Variants in TSEN2 observed in about 807,000 individuals in gnomAD.
The protein encoded by TSEN2 is tRNA splicing endonuclease subunit 2, also known as tRNA-splicing endonuclease subunit Sen2.
TSEN2 carries 54 observed loss-of-function variants against 59.2 expected under a neutral mutation model. The observed-to-expected ratio is 0.91, with a 90% confidence interval of 0.73 to 1.14. TSEN2 has a LOEUF of 1.14. Among genes scored for constraint, TSEN2 ranks in the 50% most tolerant of loss-of-function variants. TSEN2 has a pLI of 0.00. For missense variants in TSEN2, 636 were observed against 576.2 expected, an observed-to-expected ratio of 1.10 and a Z score of -1.06; for synonymous variants, 195 against 198.2, an observed-to-expected ratio of 0.98 and a Z score of 0.14.
intron 1 of TSEN2, among the ~76,000 whole-genome samples, chr3:12,488,760 C>T (rs1393131135): frequency 2.6e-5 from 4 of 152,186 alleles, no homozygotes; most frequent in Non-Finnish European, 5.9e-5. Context: ...AACCCTTCAC[C>T]GTCTGATTTT....
intron 2 of TSEN2, among the ~76,000 whole-genome samples, chr3:12,491,602 G>T (rs1342513081): frequency 1.3e-5 from 2 of 152,178 alleles, no homozygotes; most frequent in Non-Finnish European, 2.9e-5. Context: ...TGGGATAAAT[G>T]AGGTGTGCTA....
At chr3:12,517,237 A>T (rs1387147274) in intron 7 of TSEN2, among the ~76,000 whole-genome samples, 3 of 152,038 alleles carry the variant, frequency 2.0e-5, no homozygotes, top group African/African-American at 4.8e-5. Context: ...ATGCGCCTGT[A>T]GTTCCAGCTA....
chr3:12,519,274 T>G (rs192708818), intron 8 of TSEN2, 77 bp downstream of exon 8: 23 of 1,570,960 alleles, frequency 1.5e-5, no homozygotes, highest in Middle Eastern at 1.7e-4. Flanking sequence ...ATTGATCTTG[T>G]GTGCTGTTGA....
Position 12,503,406 on chromosome 3 carries a change from C to T in TSEN2, c.453C>T (p.Asp151=), listed in dbSNP as rs1374378856. The T allele has an allele frequency of 4.3e-6, 7 of 1,614,080 alleles. No homozygotes were observed. Among genetic ancestry groups the T allele is most frequent in the Non-Finnish European group, 5.9e-6 (7 of 1,180,042 alleles). The stretch of plus-strand genomic sequence containing the variant: ...GGAATGAAGAGGCTCAAGTGCATGA[C>T]AAGCTTAACTCTGGAATGGTTTCCA... The part of the protein sequence containing the change: ...VKRNEEAQVH[D]KLNSGMVSNM... The change falls in exon 5 of 12, where the codon GAC becomes GAT. Residue 151 remains aspartate, a synonymous_variant. Coordinates refer to ENST00000284995, the MANE Select transcript of TSEN2 (RefSeq NM_025265.4).
At chr3:12,493,634 G>A (rs2053453880) in intron 3 of TSEN2, among the ~76,000 whole-genome samples, 1 of 152,212 alleles carries the variant, frequency 6.6e-6, no homozygotes, top group Admixed American at 6.5e-5. Context: ...GGCTGAGGCA[G>A]GAGAATCACT....
chr3:12,500,554 C>T (rs769139437), intron 4 of TSEN2, among the ~76,000 whole-genome samples: 3 of 152,206 alleles, frequency 2.0e-5, no homozygotes, highest in Admixed American at 6.5e-5. Context: ...TGCCTCTGCT[C>T]TCAACAGCAA....
downstream of TSEN2, among the ~76,000 whole-genome samples, chr3:12,535,987 A>G (rs2057665939): frequency 6.6e-6 from 1 of 152,210 alleles, no homozygotes; most frequent in Admixed American, 6.5e-5. Context: ...TGCAGACTGA[A>G]TGAAATGAGA....
chr3:12,520,720 G>T (rs896406882), intron 8 of TSEN2, among the ~76,000 whole-genome samples: 5 of 151,880 alleles, frequency 3.3e-5, no homozygotes, highest in African/African-American at 1.2e-4. Flanking sequence ...ATCCCGGGAG[G>T]CAGAGGTTGT....
At chr3:12,491,697 T>C (rs1356369589) in intron 2 of TSEN2, among the ~76,000 whole-genome samples, 1 of 152,060 alleles carries the variant, frequency 6.6e-6, no homozygotes, top group Non-Finnish European at 1.5e-5. Flanking sequence ...AGAGGGAAAA[T>C]GTAAAGACAT....
downstream of TSEN2, among the ~76,000 whole-genome samples, chr3:12,534,707 C>G (rs910174370): frequency 6.6e-5 from 10 of 151,036 alleles, no homozygotes; most frequent in Admixed American, 6.0e-4. Context: ...AGGAGGCTGA[C>G]GCAGGAGAAT....
At chr3:12,503,882 G>C in intron 5 of TSEN2, 98 bp downstream of exon 5, 1 of 1,478,100 alleles carries the variant, frequency 6.8e-7, no homozygotes, top group South Asian at 1.2e-5. Flanking sequence ...TAGCTGGCCT[G>C]TTGTAGGGTC....
intron 10 of TSEN2, 29 bp downstream of exon 10, chr3:12,529,902 G>C: frequency 6.2e-7 from 1 of 1,609,142 alleles, no homozygotes. Context: ...TGCCATTGGA[G>C]TGTCACTTAA....
At chr3:12,512,834 A>G (rs985046886) in intron 6 of TSEN2, among the ~76,000 whole-genome samples, 2 of 152,344 alleles carry the variant, frequency 1.3e-5, no homozygotes, top group East Asian at 1.9e-4. Flanking sequence ...CCAGTTAGCT[A>G]ATGTATTCCA....
chr3:12,494,256 T>C (rs967845244), intron 3 of TSEN2, among the ~76,000 whole-genome samples: 1 of 152,100 alleles, frequency 6.6e-6, no homozygotes, highest in South Asian at 2.1e-4. Context: ...ATCCATATAA[T>C]GAAGGACCGT....
intron 6 of TSEN2, among the ~76,000 whole-genome samples, chr3:12,506,274 C>T (rs1287189651): frequency 6.6e-6 from 1 of 152,084 alleles, no homozygotes; most frequent in Non-Finnish European, 1.5e-5. Context: ...CAGGATCCCT[C>T]TACTTAATGC....
At position 12,530,817 on chromosome 3, in the gene TSEN2, C is replaced by G. The variant is rs545283624; in HGVS notation, c.1249-753C>G. ...TTCTTGGAAACTGCAACTTTAATGT[C>G]GTATAACAAAACCGTTTTTTCTTCT... On this transcript the variant is annotated intron_variant, in intron 10 of 11. Transcript: ENST00000284995. The G allele has an allele frequency of 1.5e-4, 147 of 954,210 alleles. No individual in the cohort carries two copies. In the African/African-American group the frequency reaches 2.3e-3, roughly 15 times the overall value. The allele number at this position is 954,210 out of a possible 1,614,324, so 59.1% of individuals were successfully genotyped here.
upstream of TSEN2, among the ~76,000 whole-genome samples, chr3:12,480,768 AG>A (rs2052183907): frequency 6.6e-6 from 1 of 151,954 alleles, no homozygotes. Flanking sequence ...TCCCACCCTC[AG>A]GTGATCAACC....
rs1183447766 is a variant in TSEN2 at position 12,532,681 on chromosome 3, G to A, written c.1358G>A (p.Trp453Ter). 1.9e-6 allele frequency: 3 copies of A among 1,613,968 alleles called. No homozygotes were observed. The highest frequency in any genetic ancestry group is 2.5e-6 in the Non-Finnish European group (3 of 1,180,020). Residue 453 changes from tryptophan to a stop codon, truncating the protein, a stop_gained, in exon 12 of 12, where the codon TGG (tryptophan) becomes TAG (stop). Coordinates refer to ENST00000284995, the MANE Select transcript of TSEN2 (RefSeq NM_025265.4). LOFTEE classifies it high-confidence loss of function. ...IKVQEVILSR[W>*]VSSRERSDQD... Reference sequence around the variant, plus strand: ...TTGTAGGAGGTGATTCTGAGTCGATGGGTTTCTTCACGAGAGAGGAGTGAC... The same window carrying A: ...TTGTAGGAGGTGATTCTGAGTCGATAGGTTTCTTCACGAGAGAGGAGTGAC...
Position 12,489,566 on chromosome 3 carries a change from G to T in TSEN2, c.-17-218G>T, listed in dbSNP as rs12495676. Among the ~76,000 whole-genome samples the T allele has an allele frequency of 0.065, 9,811 of 152,084 alleles. 688 individuals are homozygous for T. The highest frequency in any genetic ancestry group is 0.17 in the African/African-American group (6,986 of 41,440). On this transcript the variant is annotated intron_variant, in intron 1 of 11. Transcript: ENST00000284995. ...AGAAAGATTACCACTCATTTCCTGG[G>T]GTTTATTGTGGGGATTAATTGCAGT... is the stretch of plus-strand genomic sequence containing the variant.
Sources: gnomAD v4.1 joint callset for allele counts (sites outside exome capture counted in the v4.1 genomes callset) on GRCh38, gnomAD v4.1.1 for gene constraint, MANE v1.5 for transcripts, NCBI Gene and HGNC (gene_info 2026-07-23, HGNC 2026-07-21) for gene names.